FAM53A: variants seen among roughly 807,000 people sequenced by gnomAD.
FAM53A encodes protein FAM53A.
In FAM53A, 28 loss-of-function variants were observed where a neutral mutation model predicts 26.6. That is an observed-to-expected ratio of 1.05 (90% CI 0.78 to 1.45). The LOEUF (loss-of-function observed/expected upper bound fraction) is 1.45. FAM53A is among the 40% of genes most tolerant of loss of function. The pLI is 0.00. For missense variants in FAM53A, 650 were observed against 575.8 expected (o/e 1.13, Z -1.32); for synonymous variants, 290 against 253.1 (o/e 1.15, Z -1.38).
At chr4:1,646,813 T>G (rs1011997458) in intron 4 of FAM53A, among the ~76,000 whole-genome samples, 1 of 152,158 alleles carries the variant, frequency 6.6e-6, no homozygotes. Flanking sequence ...CAGGGCCACA[T>G]AGGAAGCTGT....
chr4:1,592,271 G>A, the FAM53A span, among the ~76,000 whole-genome samples: 1 of 152,258 alleles, frequency 6.6e-6, no homozygotes, highest in Admixed American at 6.5e-5. Context: ...ACAGATGACC[G>A]GCTGTGCACG....
At chr4:1,653,336 C>T (rs1418973502) in intron 4 of FAM53A, among the ~76,000 whole-genome samples, 2 of 152,212 alleles carry the variant, frequency 1.3e-5, no homozygotes, top group Non-Finnish European at 2.9e-5. Flanking sequence ...CACCAACTCA[C>T]CCAACCACCT....
intron 1 of FAM53A, among the ~76,000 whole-genome samples, chr4:1,669,414 G>C (rs142425768): frequency 2.0e-5 from 3 of 152,238 alleles, no homozygotes; most frequent in Admixed American, 2.0e-4. Flanking sequence ...GCAAGGGGCC[G>C]GCGGAGGAAG....
At chr4:1,664,206 TGTGTCTTAAA>T (rs1310645805) in intron 2 of FAM53A, among the ~76,000 whole-genome samples, 4 of 152,264 alleles carry the variant, frequency 2.6e-5, no homozygotes, top group African/African-American at 9.6e-5. Flanking sequence ...ATTCTGGTCA[TGTGTCTTAAA>T]GTCTTTATCT....
At chr4:1,638,972 G>A (rs971082985), downstream of FAM53A, among the ~76,000 whole-genome samples, 1 of 152,202 alleles carries the variant, frequency 6.6e-6, no homozygotes, top group Non-Finnish European at 1.5e-5. Context: ...GGGAGGGGGC[G>A]AGGCCCCACC....
upstream of FAM53A, chr4:1,684,339 G>T (rs1450218779): frequency 6.7e-6 from 1 of 148,730 alleles, no homozygotes. Context: ...CGCGGCCGCC[G>T]CCCCGCCCCC....
chr4:1,639,566 G>A (rs1207131926), downstream of FAM53A, among the ~76,000 whole-genome samples: 5 of 152,174 alleles, frequency 3.3e-5, no homozygotes, highest in African/African-American at 1.2e-4. Flanking sequence ...AGCACAGCAG[G>A]AGAGTAGGCA....
chr4:1,594,180 G>C, the FAM53A span, among the ~76,000 whole-genome samples: 6 of 152,190 alleles, frequency 3.9e-5, no homozygotes, highest in Admixed American at 1.3e-4. Flanking sequence ...CCTTCCCTTG[G>C]GAGCCAGCAG....
In FAM53A at chr4:1,669,048, C is replaced by T. The variant is rs944580677; in HGVS notation, c.-164-143G>A. On this transcript the variant is annotated intron_variant, in intron 1 of 4. Transcript: ENST00000308132. ...CACCCTCCCATTTTCAAAACTACCACGCGAGTTCTCTTCTGGAAAATCTAA... is the reference window on the plus strand; with the variant it reads ...CACCCTCCCATTTTCAAAACTACCATGCGAGTTCTCTTCTGGAAAATCTAA... 7 of 327,044 alleles carry T rather than the reference C, an allele frequency of 2.1e-5. 1 individual carries two copies. Among genetic ancestry groups the T allele is most frequent in the South Asian group, 1.6e-4 (2 of 12,754 alleles). The allele number at this position is 327,044 out of a possible 1,614,324, so 20.3% of individuals were successfully genotyped here.
At chr4:1,635,089 C>T (rs1286168375), downstream of FAM53A, among the ~76,000 whole-genome samples, 2 of 152,120 alleles carry the variant, frequency 1.3e-5, no homozygotes, top group African/African-American at 2.4e-5. Flanking sequence ...ATAATATCCT[C>T]TATCTTTATA....
upstream of FAM53A, chr4:1,684,417 A>G (rs1045307417): frequency 1.4e-5 from 2 of 146,536 alleles, no homozygotes; most frequent in African/African-American, 5.0e-5. Context: ...CGCCTTCTCC[A>G]CGCCGGCCCT....
the FAM53A span, among the ~76,000 whole-genome samples, chr4:1,611,912 G>A: frequency 6.6e-6 from 1 of 152,238 alleles, no homozygotes; most frequent in Non-Finnish European, 1.5e-5. Flanking sequence ...GGCAGGGGAG[G>A]TGGTTTTATA....
At chr4:1,631,597 A>C (rs1715614608) in intron 1 of FAM53A, among the ~76,000 whole-genome samples, 1 of 152,170 alleles carries the variant, frequency 6.6e-6, no homozygotes, top group Non-Finnish European at 1.5e-5. Flanking sequence ...TCCACGGTGC[A>C]CTGGGCAGCC....
At chr4:1,652,317 CACACACACCATACACACACGCTAT>C (rs1319046275) in intron 4 of FAM53A, among the ~76,000 whole-genome samples, 1 of 125,248 alleles carries the variant, frequency 8.0e-6, no homozygotes, top group Non-Finnish European at 1.5e-5. Flanking sequence ...CCACACACGT[CACACACACCATACACACACGCTAT>C]ACACACACCA....
the FAM53A span, among the ~76,000 whole-genome samples, chr4:1,609,671 C>T: frequency 9.9e-5 from 15 of 152,066 alleles, no homozygotes; most frequent in Non-Finnish European, 2.1e-4. Flanking sequence ...GTCAATTAAA[C>T]CTCTTTCCTG....
chr4:1,670,083 A>G (rs913879415), intron 1 of FAM53A, among the ~76,000 whole-genome samples: 2 of 152,156 alleles, frequency 1.3e-5, no homozygotes, highest in African/African-American at 4.8e-5. Flanking sequence ...GAGCCACGTG[A>G]GCCGCCCCAT....
intron 1 of FAM53A, among the ~76,000 whole-genome samples, chr4:1,673,551 G>A (rs1714829551): frequency 2.0e-5 from 3 of 152,198 alleles, no homozygotes; most frequent in South Asian, 2.1e-4. Context: ...GGGCCAACAT[G>A]GTGAAACCCC....
At chr4:1,628,969 T>C (rs1330459123) in intron 1 of FAM53A, among the ~76,000 whole-genome samples, 2 of 151,762 alleles carry the variant, frequency 1.3e-5, no homozygotes, top group African/African-American at 4.8e-5. Context: ...CCTGGGGCCC[T>C]GTGTGCCTTA....
the FAM53A span, among the ~76,000 whole-genome samples, chr4:1,599,038 C>T: frequency 1.3e-5 from 2 of 152,268 alleles, no homozygotes; most frequent in South Asian, 4.1e-4. This position sits in a 1 kb window ranked among gnomAD's most constrained non-coding sequence, Gnocchi z 6.1. Context: ...GCCCGCTTCC[C>T]TCCTGGCCTG....
Sources: allele counts gnomAD v4.1 joint callset (sites outside exome capture counted in the v4.1 genomes callset), GRCh38; gene constraint gnomAD v4.1.1; non-coding constraint Gnocchi (gnomAD v3.1); transcripts MANE v1.5; gene names NCBI Gene and HGNC (gene_info 2026-07-23, HGNC 2026-07-21).